Variants in ZNF185 observed in about 807,000 individuals in gnomAD.
ZNF185 encodes zinc finger protein 185 with LIM domain, also known as zinc finger protein 185.
A neutral mutation model predicts 58.6 loss-of-function variants in ZNF185; 56 were observed. The ratio of observed to expected loss-of-function variants is 0.95; its 90% CI spans 0.77 to 1.19. The LOEUF (loss-of-function observed/expected upper bound fraction) is 1.19, where lower values mean the gene tolerates loss of function less well. Ranked by LOEUF, ZNF185 falls within the 50% of genes most tolerant of loss-of-function variation. ZNF185 has a pLI of 0.00. For synonymous variants in ZNF185, 230 were observed against 215.9 expected (o/e 1.07, Z -0.57); for missense variants, 627 against 573.5 (o/e 1.09, Z -0.95).
At chrX:152,964,588 C>T (rs1479202402) in intron 18 of ZNF185, among the ~76,000 whole-genome samples, 1 of 111,786 alleles carries the variant, frequency 8.9e-6, no homozygotes, top group Non-Finnish European at 1.9e-5. Context: ...CATGAGGGAT[C>T]CCCCCATGAT....
At chrX:152,922,645 G>C (rs1355711051) in intron 10 of ZNF185, 75 bp from the exon 12 acceptor site, 1 of 979,208 alleles carries the variant, frequency 1.0e-6, no homozygotes, top group Non-Finnish European at 1.4e-6. Flanking sequence ...ACTCCAATAA[G>C]TTAGCCACAT....
At chrX:152,956,729 A>G (rs1556905122) in intron 16 of ZNF185, among the ~76,000 whole-genome samples, 1 of 112,520 alleles carries the variant, frequency 8.9e-6, no homozygotes. Context: ...ACGAGGGCAA[A>G]ACTCAGTCTC....
At chrX:152,970,454 C>T (rs1556918320) in exon 22 of ZNF185, 1 of 1,207,159 alleles carries the variant, frequency 8.3e-7, no homozygotes, top group African/African-American at 1.8e-5. Context: ...GTGGGATTTG[C>T]AGTAAACCGA....
chrX:152,925,924 C>T (rs1257844241), intron 11 of ZNF185, among the ~76,000 whole-genome samples: 2 of 112,386 alleles, frequency 1.8e-5, no homozygotes, highest in Non-Finnish European at 3.8e-5. Context: ...GTCAGCTCCT[C>T]ATAACTCTTG....
chrX:152,953,728 G>C (rs1457808233), intron 16 of ZNF185, among the ~76,000 whole-genome samples: 1 of 111,398 alleles, frequency 9.0e-6, no homozygotes, highest in Non-Finnish European at 1.9e-5. Flanking sequence ...GATTTAGATA[G>C]AGACTTTTAT....
At chrX:152,921,046 G>A (rs1939610932) in intron 9 of ZNF185, among the ~76,000 whole-genome samples, 1 of 112,800 alleles carries the variant, frequency 8.9e-6, no homozygotes, top group Non-Finnish European at 1.9e-5. Flanking sequence ...CCCTGCCCCT[G>A]TTGCTTGCCT....
chrX:152,958,902 G>GGTGCGGCCGGC (rs1303770173), intron 16 of ZNF185, among the ~76,000 whole-genome samples: 3 of 112,524 alleles, frequency 2.7e-5, no homozygotes, highest in African/African-American at 9.7e-5. Flanking sequence ...CACAGGCCGG[G>GGTGCGGCCGGC]GTGCGGCCGG....
At chrX:152,944,176 G>T (rs1331020544) in intron 15 of ZNF185, among the ~76,000 whole-genome samples, 2 of 113,184 alleles carry the variant, frequency 1.8e-5, no homozygotes, top group Non-Finnish European at 3.7e-5. Context: ...TCCACCTGAG[G>T]CTGAAGAATC....
At chrX:152,936,148 A>C (rs782151638) in intron 14 of ZNF185, among the ~76,000 whole-genome samples, 1 of 112,779 alleles carries the variant, frequency 8.9e-6, no homozygotes, top group Non-Finnish European at 1.9e-5. Flanking sequence ...GGTAAAACTG[A>C]GGCCCAGAAA....
chrX:152,933,924 C>T (rs2045980188), intron 14 of ZNF185, among the ~76,000 whole-genome samples: 1 of 112,032 alleles, frequency 8.9e-6, no homozygotes, highest in Non-Finnish European at 1.9e-5. Flanking sequence ...TAAATCCAGG[C>T]CCACAAGTCA....
At chrX:152,939,079 A>G (rs2046820048) in intron 15 of ZNF185, among the ~76,000 whole-genome samples, 1 of 111,872 alleles carries the variant, frequency 8.9e-6, no homozygotes, top group Admixed American at 9.4e-5. Flanking sequence ...TTGGTAAGCC[A>G]TGGTTAAGAG....
the ZNF185 span, among the ~76,000 whole-genome samples, chrX:152,903,638 C>G: frequency 8.6e-3 from 954 of 111,010 alleles, 13 homozygotes; most frequent in African/African-American, 0.029. Context: ...AGCCAGGGCC[C>G]TACAAGAGGG....
intron 16 of ZNF185, among the ~76,000 whole-genome samples, chrX:152,959,065 G>A (rs1354013900): frequency 5.3e-5 from 6 of 112,863 alleles, no homozygotes; most frequent in Non-Finnish European, 1.1e-4. Flanking sequence ...GGTTCCTGCC[G>A]CCAGATGGCG....
At chrX:152,941,497 C>G (rs762728) in intron 15 of ZNF185, among the ~76,000 whole-genome samples, 30,733 of 112,195 alleles carry the variant, frequency 0.27, 2,938 homozygotes, top group South Asian at 0.39. Context: ...CAGAACCACA[C>G]CCCTCACCTT....
intron 17 of ZNF185, 121 bp downstream of exon 19, chrX:152,960,017 G>C (rs1009673969): frequency 6.1e-5 from 43 of 699,655 alleles, no homozygotes; most frequent in Non-Finnish European, 8.5e-5. Context: ...GGTGAGTGTG[G>C]TTAGGAGCCA....
chrX:152,936,563 C>T (rs782089334), intron 14 of ZNF185, 50 bp downstream of exon 16: 1 of 1,062,769 alleles, frequency 9.4e-7, no homozygotes, highest in South Asian at 2.0e-5. Flanking sequence ...CCAGACACAG[C>T]CTTTGGGGCC....
chrX:152,923,281 A>G (rs1235545738), intron 11 of ZNF185, among the ~76,000 whole-genome samples: 2 of 111,603 alleles, frequency 1.8e-5, no homozygotes, highest in African/African-American at 3.3e-5. Flanking sequence ...CAATCCCCCA[A>G]TTTGAGCTCC....
At position 152,967,361 on chromosome X, in the gene ZNF185, A is replaced by T. The variant is rs2050220183; in HGVS notation, c.1871+123A>T. 3 of 678,286 alleles carry T rather than the reference A, an allele frequency of 4.4e-6. No homozygotes were observed. In the East Asian group the frequency reaches 1.0e-4, roughly 23 times the overall value. The allele number at this position is 678,286 out of a possible 1,213,427, so 55.9% of individuals were successfully genotyped here. A position where few individuals can be genotyped will look rare whatever the true frequency, so the allele number is the denominator to read the frequency against. On this transcript the variant is annotated intron_variant, in intron 20 of 22. Transcript: ENST00000449285. ...TGCAGCCTCCAATCCATTTGCAGAA[A>T]GGTGAAGGACACTACCGTAGGGTGG...
chrX:152,944,989 G>C (rs782368298), intron 15 of ZNF185, among the ~76,000 whole-genome samples: 6 of 112,575 alleles, frequency 5.3e-5, no homozygotes, highest in African/African-American at 1.6e-4. Context: ...GTGAGACCCT[G>C]CCTCCAAACA....
Sources: allele counts gnomAD v4.1 joint callset (sites outside exome capture counted in the v4.1 genomes callset), GRCh38; gene constraint gnomAD v4.1.1; transcripts MANE v1.5; gene names NCBI Gene and HGNC (gene_info 2026-07-23, HGNC 2026-07-21).